NTM: variants seen among roughly 807,000 people sequenced by gnomAD.
The protein encoded by NTM is IgLON family member 2.
NTM carries 13 observed loss-of-function variants against 42.1 expected under a neutral mutation model. The observed-to-expected ratio is 0.31, with a 90% CI of 0.20 to 0.49. NTM has a LOEUF of 0.49. Among genes scored for constraint, NTM ranks in the 20% least tolerant of loss-of-function variants. NTM has a pLI of 0.99. For synonymous variants in NTM, 187 were observed against 179.2 expected (o/e 1.04, Z -0.35); for missense variants, 373 against 452.8 (o/e 0.82, Z 1.60).
intron 2 of NTM, among the ~76,000 whole-genome samples, chr11:131,958,418 A>C (rs1248790101): frequency 6.6e-6 from 1 of 152,182 alleles, no homozygotes; most frequent in Non-Finnish European, 1.5e-5. Flanking sequence ...ATCTTAATTC[A>C]TAACTTAGCA....
At chr11:131,910,532 T>A (rs1175448536) in intron 1 of NTM, among the ~76,000 whole-genome samples, 1 of 151,130 alleles carries the variant, frequency 6.6e-6, no homozygotes, top group African/African-American at 2.4e-5. Flanking sequence ...GCCCGCTCGC[T>A]CCGAGGCGGC....
At chr11:131,956,321 T>A (rs773260163) in intron 2 of NTM, among the ~76,000 whole-genome samples, 2 of 152,136 alleles carry the variant, frequency 1.3e-5, no homozygotes, top group Non-Finnish European at 2.9e-5. Flanking sequence ...TCCTAGTTAT[T>A]AAATATATGA....
At chr11:131,552,204 G>A (rs181860476) in intron 1 of NTM, among the ~76,000 whole-genome samples, 1 of 152,228 alleles carries the variant, frequency 6.6e-6, no homozygotes, top group Admixed American at 6.5e-5. Flanking sequence ...GAGGAAGAGA[G>A]AACAGAAAAT....
At chr11:132,199,855 T>A (rs1355231132) in intron 3 of NTM, among the ~76,000 whole-genome samples, 2 of 151,766 alleles carry the variant, frequency 1.3e-5, no homozygotes, top group Non-Finnish European at 2.9e-5. Flanking sequence ...AAGCAACTGG[T>A]TGCGTCCCTC....
intron 1 of NTM, among the ~76,000 whole-genome samples, chr11:131,742,953 C>A (rs1056317974): frequency 3.3e-5 from 5 of 152,142 alleles, no homozygotes; most frequent in African/African-American, 1.2e-4. Flanking sequence ...TTGACATGAG[C>A]GCCCAATAGA....
At chr11:131,487,179 G>A (rs1260530794) in intron 1 of NTM, among the ~76,000 whole-genome samples, 1 of 152,160 alleles carries the variant, frequency 6.6e-6, no homozygotes, top group Non-Finnish European at 1.5e-5. Context: ...CAGAAAGGTG[G>A]TCAGTCTCTT....
chr11:131,692,225 G>A (rs868355103), intron 1 of NTM, among the ~76,000 whole-genome samples: 10,881 of 152,266 alleles, frequency 0.071, 1,346 homozygotes, highest in African/African-American at 0.25. Context: ...CACCTCCCAT[G>A]CAGACCTCTG....
intron 1 of NTM, among the ~76,000 whole-genome samples, chr11:131,718,073 G>A (rs1243064936): frequency 1.3e-5 from 2 of 152,074 alleles, no homozygotes; most frequent in African/African-American, 4.8e-5. Context: ...TGGCCCTGAT[G>A]TATACTTTTT....
chr11:132,310,689 C>T (rs957955626), intron 6 of NTM, among the ~76,000 whole-genome samples: 30 of 152,210 alleles, frequency 2.0e-4, no homozygotes, highest in African/African-American at 6.3e-4. Context: ...CTATCAGTAG[C>T]GGTGTATAAG....
At chr11:132,331,064 G>A (rs934258293) in intron 8 of NTM, among the ~76,000 whole-genome samples, 21 of 152,206 alleles carry the variant, frequency 1.4e-4, no homozygotes, top group Admixed American at 9.2e-4. Flanking sequence ...GCACGCCTGC[G>A]GTTCTCACCT....
intron 2 of NTM, among the ~76,000 whole-genome samples, chr11:131,933,156 C>T (rs1382057394): frequency 6.6e-6 from 1 of 152,216 alleles, no homozygotes; most frequent in East Asian, 1.9e-4. Context: ...TCACTAAAAG[C>T]TGGCAGTGAC....
intron 1 of NTM, among the ~76,000 whole-genome samples, chr11:131,733,133 A>T (rs997615444): frequency 3.9e-5 from 6 of 152,156 alleles, no homozygotes; most frequent in Non-Finnish European, 7.3e-5. Context: ...TATGTTAATG[A>T]TTATTTTCGG....
At chr11:131,656,024 A>G (rs1221247448) in intron 1 of NTM, among the ~76,000 whole-genome samples, 21 of 152,226 alleles carry the variant, frequency 1.4e-4, no homozygotes, top group Admixed American at 1.4e-3. Context: ...ACCAGTGGTC[A>G]GTTCCCCCTG....
intron 1 of NTM, among the ~76,000 whole-genome samples, chr11:131,463,962 A>G (rs1162163243): frequency 6.6e-6 from 1 of 152,252 alleles, no homozygotes; most frequent in Admixed American, 6.5e-5. Context: ...GACTGGCGAT[A>G]AAGCAGCACG....
intron 1 of NTM, among the ~76,000 whole-genome samples, chr11:131,899,473 C>T (rs1017376020): frequency 2.0e-5 from 3 of 152,120 alleles, no homozygotes; most frequent in Admixed American, 6.5e-5. Context: ...ATTGAAGTAT[C>T]CCCAGCCAGG....
chr11:132,108,601 G>A (rs928684201), intron 2 of NTM, among the ~76,000 whole-genome samples: 1 of 151,958 alleles, frequency 6.6e-6, no homozygotes, highest in South Asian at 2.1e-4. Flanking sequence ...GGTGATTGGT[G>A]CACCAAAATC....
At chr11:132,319,930 C>T (rs913204023) in intron 7 of NTM, among the ~76,000 whole-genome samples, 44 of 152,194 alleles carry the variant, frequency 2.9e-4, no homozygotes, top group Non-Finnish European at 2.9e-5. Flanking sequence ...TCCAGAGGAA[C>T]AATCAGGCAG....
intron 2 of NTM, among the ~76,000 whole-genome samples, chr11:132,031,067 A>G (rs1354416381): frequency 6.6e-6 from 1 of 152,130 alleles, no homozygotes; most frequent in Non-Finnish European, 1.5e-5. Flanking sequence ...TGCAAGCCTC[A>G]ATCCTGTCTA....
intron 2 of NTM, among the ~76,000 whole-genome samples, chr11:131,993,594 AGT>A (rs2067411903): frequency 6.6e-6 from 1 of 152,208 alleles, no homozygotes; most frequent in Admixed American, 6.5e-5. Context: ...AGATGAAGAC[AGT>A]GTGTGCAGAT....
Sources: gnomAD v4.1 joint callset for allele counts (sites outside exome capture counted in the v4.1 genomes callset) on GRCh38, gnomAD v4.1.1 for gene constraint, MANE v1.5 for transcripts, NCBI Gene and HGNC (gene_info 2026-07-23, HGNC 2026-07-21) for gene names.